RGS5: variants seen among roughly 807,000 people sequenced by gnomAD.
RGS5 encodes the protein regulator of G protein signaling 5.
A neutral mutation model predicts 18.9 loss-of-function variants in RGS5; 20 were observed. The ratio of observed to expected loss-of-function variants is 1.06; its 90% confidence interval spans 0.74 to 1.54. The LOEUF is 1.54. Among genes scored for constraint, RGS5 ranks in the 40% most tolerant of loss-of-function variants. The pLI is 0.00. For missense variants in RGS5, 201 were observed against 211.8 expected (o/e 0.95, Z 0.32); for synonymous variants, 57 against 76.2 (o/e 0.75, Z 1.31).
intron 2 of RGS5, among the ~76,000 whole-genome samples, chr1:163,236,033 C>A (rs2101687622): frequency 6.6e-6 from 1 of 152,282 alleles, no homozygotes; most frequent in South Asian, 2.1e-4. Flanking sequence ...GAGACTATCT[C>A]TTACTTTGAG....
chr1:163,309,838 T>C (rs1403645952), intron 1 of RGS5, among the ~76,000 whole-genome samples: 2 of 152,234 alleles, frequency 1.3e-5, no homozygotes, highest in African/African-American at 4.8e-5. Context: ...GGTCTAGCCT[T>C]ATGAAATATA....
chr1:163,171,288 G>A (rs1658284867), intron 1 of RGS5, among the ~76,000 whole-genome samples: 1 of 152,136 alleles, frequency 6.6e-6, no homozygotes, highest in African/African-American at 2.4e-5. Flanking sequence ...GCTGACTAAT[G>A]TGCAGTATTA....
chr1:163,202,682 C>T (rs1659821464), intron 1 of RGS5, 110 bp downstream of exon 1: 1 of 855,804 alleles, frequency 1.2e-6, no homozygotes, highest in African/African-American at 1.7e-5. Flanking sequence ...GCACCTGTTT[C>T]ACCTCAGCTT....
chr1:163,216,790 C>G (rs1660227225), intron 1 of RGS5, among the ~76,000 whole-genome samples: 1 of 152,006 alleles, frequency 6.6e-6, no homozygotes. Context: ...TTGTGATGGC[C>G]CTGAGAAAGG....
intron 1 of RGS5, among the ~76,000 whole-genome samples, chr1:163,316,468 C>T (rs1439574108): frequency 6.6e-6 from 1 of 151,970 alleles, no homozygotes; most frequent in Non-Finnish European, 1.5e-5. Flanking sequence ...ATCAATAATA[C>T]AACCATAGAA....
chr1:163,161,528 G>C, intron 3 of RGS5: 1 of 172,432 alleles, frequency 5.8e-6, no homozygotes, highest in South Asian at 1.5e-4. Flanking sequence ...ACTTGTTAGC[G>C]ATCTTTATGC....
intron 2 of RGS5, among the ~76,000 whole-genome samples, chr1:163,277,982 A>G (rs1368741463): frequency 6.6e-6 from 1 of 152,010 alleles, no homozygotes; most frequent in Non-Finnish European, 1.5e-5. Flanking sequence ...AAAAAGAAAA[A>G]ATAAATAAAA....
chr1:163,150,224 C>A (rs1227883204), intron 4 of RGS5, among the ~76,000 whole-genome samples: 1 of 152,120 alleles, frequency 6.6e-6, no homozygotes, highest in African/African-American at 2.4e-5. Context: ...AGTCTTTCAA[C>A]TAGTGACCAC....
At chr1:163,181,948 G>A (rs1348575647) in intron 1 of RGS5, among the ~76,000 whole-genome samples, 1 of 151,954 alleles carries the variant, frequency 6.6e-6, no homozygotes, top group East Asian at 1.9e-4. Context: ...TGTAAAAATG[G>A]TGATAATAGA....
intron 4 of RGS5, among the ~76,000 whole-genome samples, chr1:163,148,059 C>T (rs947181794): frequency 2.0e-5 from 3 of 151,568 alleles, no homozygotes; most frequent in South Asian, 2.1e-4. Context: ...TCCCAACTAG[C>T]TGGGTTACAG....
chr1:163,316,416 C>T (rs1018820460), intron 1 of RGS5, among the ~76,000 whole-genome samples: 2 of 152,108 alleles, frequency 1.3e-5, no homozygotes, highest in African/African-American at 4.8e-5. Context: ...CTTCATCTTG[C>T]TATTACTGTT....
rs190099303 is a variant in RGS5, at chr1:163,261,748, A to C, written c.-281+44485T>G. On this transcript the variant is annotated intron_variant, in intron 2 of 5. Transcript: ENST00000618415. ...GCTTTTTGTCCTTTCCTAGAATGAC[A>C]AACACAGATAACTGTTGGCTTATAT... Among the ~76,000 whole-genome samples, 332 of 152,340 alleles carry C rather than the reference A, an allele frequency of 2.2e-3. 2 individuals are homozygous for C. Among genetic ancestry groups the C allele is most frequent in the African/African-American group, 7.8e-3 (326 of 41,574 alleles).
At chr1:163,165,853 C>G (rs1035297885) in intron 2 of RGS5, among the ~76,000 whole-genome samples, 1 of 151,676 alleles carries the variant, frequency 6.6e-6, no homozygotes, top group Non-Finnish European at 1.5e-5. Context: ...TTGCGGTGAG[C>G]TGAGATCATG....
intron 1 of RGS5, among the ~76,000 whole-genome samples, chr1:163,216,520 TG>T (rs999286142): frequency 2.6e-5 from 4 of 152,182 alleles, no homozygotes; most frequent in Admixed American, 2.6e-4. Flanking sequence ...ATCAACTCTA[TG>T]GTGTATAATA....
chr1:163,152,731 A>G lies in RGS5; in HGVS notation c.218-15T>C, dbSNP rs1201664913. ...GGCAAGTCCATCTGGAAAGAAAAAA[A>G]CAGTCAGCTGGAGAAATTTATTAAT... is the stretch of plus-strand genomic sequence containing the variant. On this transcript the variant is annotated splice_polypyrimidine_tract_variant and intron_variant, in intron 3 of 4. Coordinates refer to ENST00000313961, the MANE Select transcript of RGS5 (RefSeq NM_003617.4). The G allele has an allele frequency of 6.4e-7, 1 of 1,569,338 alleles. No homozygotes were observed. Among genetic ancestry groups the G allele is most frequent in the South Asian group, 1.2e-5 (1 of 81,782 alleles).
At chr1:163,257,725 T>C (rs1648317171) in intron 2 of RGS5, among the ~76,000 whole-genome samples, 1 of 152,186 alleles carries the variant, frequency 6.6e-6, no homozygotes, top group African/African-American at 2.4e-5. Context: ...CACACTGGAA[T>C]ATTGTAACAC....
intron 4 of RGS5, among the ~76,000 whole-genome samples, chr1:163,148,304 T>A (rs757653073): frequency 4.6e-5 from 7 of 152,122 alleles, no homozygotes; most frequent in Non-Finnish European, 8.8e-5. Flanking sequence ...AGAAGTAAAT[T>A]CTGTCTGGGG....
chr1:163,314,334 A>G (rs183313492), intron 1 of RGS5, among the ~76,000 whole-genome samples: 5 of 152,278 alleles, frequency 3.3e-5, no homozygotes, highest in African/African-American at 1.2e-4. Context: ...ATGAAATGAG[A>G]TAATATTACT....
chr1:163,291,729 C>T (rs1384617891), intron 2 of RGS5, among the ~76,000 whole-genome samples: 1 of 152,148 alleles, frequency 6.6e-6, no homozygotes, highest in Admixed American at 6.5e-5. Flanking sequence ...GATTTCATCT[C>T]TGACCCAACC....
Sources: allele counts gnomAD v4.1 joint callset (sites outside exome capture counted in the v4.1 genomes callset), GRCh38; gene constraint gnomAD v4.1.1; transcripts MANE v1.5; gene names NCBI Gene and HGNC (gene_info 2026-07-23, HGNC 2026-07-21).